APCDD1: variants seen among roughly 807,000 people sequenced by gnomAD.
APCDD1 encodes protein APCDD1.
In APCDD1, 15 loss-of-function variants were observed where a neutral mutation model predicts 38.1. The ratio of observed to expected loss-of-function variants is 0.39; its 90% confidence interval spans 0.26 to 0.61. APCDD1 has a LOEUF of 0.61. Ranked by LOEUF, APCDD1 falls within the 20% of genes least tolerant of loss-of-function variation. The pLI is 0.49. For missense variants in APCDD1, 647 were observed against 696.2 expected, an observed-to-expected ratio of 0.93 and a Z score of 0.79; for synonymous variants, 261 against 279.7, an observed-to-expected ratio of 0.93 and a Z score of 0.67.
Position 10,487,904 on chromosome 18 carries a change from C to T in APCDD1, c.1411C>T (p.Pro471Ser). ...MPLVQCASSS[P>S]RAEDLAEDSG... ...CTTGGTCCAGTGTGCCTCCTCTTCG[C>T]CGAGGGCAGAGGACCTCGCAGAAGA... Residue 471 changes from proline (P) to serine (S), a missense_variant, in exon 5 of 5, where the codon CCG (proline) becomes TCG (serine). Pro to Ser is a moderately conservative substitution (Grantham distance 74). Coordinates refer to ENST00000355285, the MANE Select transcript of APCDD1 (RefSeq NM_153000.5). 1.2e-6 allele frequency: 2 copies of T among 1,613,302 alleles called. No homozygotes were observed.
chr18:10,460,094 G>A (rs915797947), intron 1 of APCDD1, among the ~76,000 whole-genome samples: 7 of 152,170 alleles, frequency 4.6e-5, no homozygotes, highest in African/African-American at 9.6e-5. Context: ...GAAAATTATC[G>A]TTTCCTTCCC....
Position 10,471,395 on chromosome 18 carries a change from A to G in APCDD1, c.243-135A>G. On this transcript the variant is annotated intron_variant, in intron 2 of 4. Transcript: ENST00000355285. This position sits in a 1 kb window ranked among gnomAD's most constrained non-coding sequence, Gnocchi z 5.5. ...GTGAGGAGTCAATGAGTTGGTATCT[A>G]TAAAGGGCTGACAACAGAGTCTGGC... 8.6e-7 allele frequency: 1 copy of G among 1,165,072 alleles called. No individual in the cohort carries two copies. The highest frequency in any genetic ancestry group is 1.2e-6 in the Non-Finnish European group (1 of 809,636). 72.2% of individuals were successfully genotyped at this position (1,165,072 alleles called of 1,614,324 possible). A position where few individuals can be genotyped will look rare whatever the true frequency, so the allele number is the denominator to read the frequency against.
At position 10,471,818 on chromosome 18, in the gene APCDD1, C is replaced by G. The variant is rs149506112; in HGVS notation, c.531C>G (p.Asp177Glu). 1.2e-6 allele frequency: 2 copies of G among 1,613,840 alleles called. No individual in the cohort carries two copies. The highest frequency in any genetic ancestry group is 1.7e-5 in the Admixed American group (1 of 60,024). The change falls in exon 3 of 5, where the codon GAC becomes GAG. Residue 177 changes from aspartate to glutamate, a missense_variant. Transcript: ENST00000355285. This position sits in a 1 kb window ranked among gnomAD's most constrained non-coding sequence, Gnocchi z 5.5. ...VNRTCPGFLA[D>E]GGPWVQDVAY... ...GCACATGCCCGGGCTTCCTCGCAGA[C>G]GGGGGTCCCTGGGTGCAGGACGTGG...
At position 10,469,578 on chromosome 18, in the gene APCDD1, G is replaced by A. The variant is rs1324427888; in HGVS notation, c.242+926G>A. Among the ~76,000 whole-genome samples, 2 of 152,076 alleles carry A rather than the reference G, an allele frequency of 1.3e-5. No individual in the cohort carries two copies. Among genetic ancestry groups the A allele is most frequent in the African/African-American group, 4.8e-5 (2 of 41,386 alleles). ...TATAGCAGTGAACAAAACAGACCTG[G>A]TCCCTGTCTTCAAGGGTTTTATAAG... On this transcript the variant is annotated intron_variant, in intron 2 of 4. Coordinates refer to ENST00000355285, the MANE Select transcript of APCDD1 (RefSeq NM_153000.5). The surrounding 1 kb of genome is among the most constrained non-coding windows in gnomAD (Gnocchi z 5.5).
chr18:10,475,227 C>G lies in APCDD1; in HGVS notation c.774+3166C>G, dbSNP rs2030962598. On this transcript the variant is annotated intron_variant, in intron 3 of 4. Coordinates refer to ENST00000355285, the MANE Select transcript of APCDD1 (RefSeq NM_153000.5). This position sits in a 1 kb window ranked among gnomAD's most constrained non-coding sequence, Gnocchi z 4.0. Reference sequence around the variant, plus strand: ...GGGAACATCAAAGTGTTTCATGATGCCTAGCCATAAAACACTTCCTCCCAT... The same window carrying G: ...GGGAACATCAAAGTGTTTCATGATGGCTAGCCATAAAACACTTCCTCCCAT... 6.6e-6 allele frequency among the ~76,000 whole-genome samples: 1 copy of G among 152,140 alleles called. No individual in the cohort carries two copies. The highest frequency in any genetic ancestry group is 6.5e-5 in the Admixed American group (1 of 15,278).
rs16974517 is a variant in APCDD1 at position 10,472,894 on chromosome 18, C to T, written c.774+833C>T. Among the ~76,000 whole-genome samples, 4 of 152,134 alleles carry T rather than the reference C, an allele frequency of 2.6e-5. No homozygotes were observed. The highest frequency in any genetic ancestry group is 9.7e-5 in the African/African-American group (4 of 41,422). Reference sequence around the variant, plus strand: ...AACTCGATCACCTCCACCATCTCCCCGCAGAGCCTGTGAAGTCCCAGGCAG... The same window carrying T: ...AACTCGATCACCTCCACCATCTCCCTGCAGAGCCTGTGAAGTCCCAGGCAG... On this transcript the variant is annotated intron_variant, in intron 3 of 4. Coordinates refer to ENST00000355285, the MANE Select transcript of APCDD1 (RefSeq NM_153000.5). The surrounding 1 kb of genome is among the most constrained non-coding windows in gnomAD (Gnocchi z 6.6).
chr18:10,464,359 A>C (rs7236859), intron 1 of APCDD1, among the ~76,000 whole-genome samples: 2,146 of 128,196 alleles, frequency 0.017, 48 homozygotes, highest in African/African-American at 0.057. Context: ...CACACACACA[A>C]AAACATCTTT....
intron 1 of APCDD1, among the ~76,000 whole-genome samples, chr18:10,460,152 T>C (rs1200002160): frequency 6.6e-6 from 1 of 152,236 alleles, no homozygotes. Flanking sequence ...GAACTTTTGA[T>C]TTCTCAGTCA....
chr18:10,459,852 A>G (rs938582837), intron 1 of APCDD1, among the ~76,000 whole-genome samples: 1 of 96,944 alleles, frequency 1.0e-5, no homozygotes, highest in African/African-American at 6.2e-5. Flanking sequence ...TATCACAACA[A>G]TTCTAACGAG....
At chr18:10,487,555 C>T (rs2031274171) in intron 4 of APCDD1, 35 bp from the exon 5 acceptor site, 4 of 1,607,152 alleles carry the variant, frequency 2.5e-6, no homozygotes, top group East Asian at 2.2e-5. Flanking sequence ...ACGCCTACTC[C>T]CTGGAGTCAT....
chr18:10,457,023 AAGTTG>A (rs2030399875), intron 1 of APCDD1, among the ~76,000 whole-genome samples: 1 of 152,216 alleles, frequency 6.6e-6, no homozygotes, highest in African/African-American at 2.4e-5. Flanking sequence ...GAGGTTTGCA[AAGTTG>A]AGTTGGGTTA....
In APCDD1 at chr18:10,489,573, C is replaced by T. The variant is rs2031325843; in HGVS notation, c.*1535C>T. ...AATTAGCCAGGCGTGGTGGTGGGCA[C>T]CTGTAGTCCCAGCTACTCGGGAGGC... On this transcript the variant is annotated 3_prime_UTR_variant, in exon 5 of 5. Coordinates refer to ENST00000355285, the MANE Select transcript of APCDD1 (RefSeq NM_153000.5). 6.6e-6 allele frequency: 1 copy of T among 152,108 alleles called. No homozygotes were observed. Among genetic ancestry groups the T allele is most frequent in the African/African-American group, 2.4e-5 (1 of 41,364 alleles). 9.4% of individuals were successfully genotyped at this position (152,108 alleles called of 1,614,324 possible). A position where few individuals can be genotyped will look rare whatever the true frequency, so the allele number is the denominator to read the frequency against.
In APCDD1 at chr18:10,468,619, C is replaced by T; in HGVS notation, c.209C>T (p.Pro70Leu). Residue 70 changes from proline (P) to leucine (L), a missense_variant, in exon 2 of 5, where the codon CCA (proline) becomes CTA (leucine). Pro to Leu is a moderately conservative substitution (Grantham distance 98). Transcript: ENST00000355285. ...GGTGCAAGGATCACAGTGCAGATGCCACCTACAATCGAGGGCCACTGGGTC... is the reference window on the plus strand; with the variant it reads ...GGTGCAAGGATCACAGTGCAGATGCTACCTACAATCGAGGGCCACTGGGTC... Reference protein sequence around the residue: ...HNGARITVQMPPTIEGHWVST... With the variant: ...HNGARITVQMLPTIEGHWVST... 2 of 1,613,846 alleles carry T rather than the reference C, an allele frequency of 1.2e-6. No individual in the cohort carries two copies. The highest frequency in any genetic ancestry group is 1.7e-6 in the Non-Finnish European group (2 of 1,180,036).
In APCDD1 at chr18:10,489,928, TA is replaced by T. The variant is rs1364933576; in HGVS notation, c.*1894del. The T allele has an allele frequency of 6.6e-6, 1 of 152,144 alleles. No homozygotes were observed. Among genetic ancestry groups the T allele is most frequent in the Non-Finnish European group, 1.5e-5 (1 of 68,008 alleles). 9.4% of individuals were successfully genotyped at this position (152,144 alleles called of 1,614,324 possible). A position where few individuals can be genotyped will look rare whatever the true frequency, so the allele number is the denominator to read the frequency against. On this transcript the variant is annotated 3_prime_UTR_variant, in exon 5 of 5. Transcript: ENST00000355285. Reference sequence around the variant, plus strand: ...CTGATACTATCTTTAAAAGACGTAATAAAATCATGTGAAAAACTGTATTCAC... The same window carrying T: ...CTGATACTATCTTTAAAAGACGTAATAAATCATGTGAAAAACTGTATTCAC...
intron 3 of APCDD1, among the ~76,000 whole-genome samples, chr18:10,473,107 T>C (rs1037428169): frequency 2.0e-4 from 30 of 152,258 alleles, no homozygotes; most frequent in African/African-American, 7.2e-4. Flanking sequence ...GGTTTCTTCA[T>C]TTTTTAAAAA....
intron 1 of APCDD1, among the ~76,000 whole-genome samples, chr18:10,466,886 A>G (rs925960932): frequency 6.6e-6 from 1 of 152,190 alleles, no homozygotes; most frequent in African/African-American, 2.4e-5. Flanking sequence ...TTTGTCTAGA[A>G]TCTCTTTTCA....
intron 3 of APCDD1, among the ~76,000 whole-genome samples, chr18:10,481,434 T>C (rs763951186): frequency 1.4e-4 from 22 of 152,106 alleles, no homozygotes; most frequent in Non-Finnish European, 3.1e-4. Context: ...ACAGGCCAGA[T>C]ACAAAAAGAC....
chr18:10,471,464 T>A lies in APCDD1; in HGVS notation c.243-66T>A, dbSNP rs2143534538. 2 of 1,596,312 alleles carry A rather than the reference T, an allele frequency of 1.3e-6. No individual in the cohort carries two copies. Among genetic ancestry groups the A allele is most frequent in the Non-Finnish European group, 1.7e-6 (2 of 1,164,982 alleles). On this transcript the variant is annotated intron_variant, in intron 2 of 4. Coordinates refer to ENST00000355285, the MANE Select transcript of APCDD1 (RefSeq NM_153000.5). The surrounding 1 kb of genome is among the most constrained non-coding windows in gnomAD (Gnocchi z 5.5). ...TATTATTTCTGTAATTTCTTAATAC[T>A]ATAATGAATCTCTTTCCCATACCTT... is the stretch of plus-strand genomic sequence containing the variant.
In APCDD1 at chr18:10,475,148, C is replaced by T. The variant is rs1186043223; in HGVS notation, c.774+3087C>T. Among the ~76,000 whole-genome samples, 2 of 152,226 alleles carry T rather than the reference C, an allele frequency of 1.3e-5. No individual in the cohort carries two copies. The highest frequency in any genetic ancestry group is 2.4e-5 in the African/African-American group (1 of 41,456). The stretch of plus-strand genomic sequence containing the variant: ...ATCTCTCTTAACCTAGAGTAAGTCG[C>T]CCTTCTGGGCCAATGGCTCAGAGAG... On this transcript the variant is annotated intron_variant, in intron 3 of 4. Coordinates refer to ENST00000355285, the MANE Select transcript of APCDD1 (RefSeq NM_153000.5). The surrounding 1 kb of genome is among the most constrained non-coding windows in gnomAD (Gnocchi z 4.0).
Sources: gnomAD v4.1 joint callset for allele counts (sites outside exome capture counted in the v4.1 genomes callset) on GRCh38, gnomAD v4.1.1 for gene constraint, Gnocchi (gnomAD v3.1) non-coding constraint, MANE v1.5 for transcripts, NCBI Gene and HGNC (gene_info 2026-07-23, HGNC 2026-07-21) for gene names.